Variants in ARHGAP45 observed in about 807,000 individuals in gnomAD.
ARHGAP45 encodes the protein rho GTPase-activating protein 45.
In ARHGAP45, 56 loss-of-function variants were observed where a neutral mutation model predicts 116.1. The ratio of observed to expected loss-of-function variants is 0.48; its 90% CI spans 0.39 to 0.60. The LOEUF (loss-of-function observed/expected upper bound fraction) is 0.60. Among genes scored for constraint, ARHGAP45 ranks in the 20% least tolerant of loss-of-function variants. The probability of loss-of-function intolerance (pLI) is 0.00; values close to 1 mark genes in which losing one functional copy is unlikely to be tolerated. For synonymous variants in ARHGAP45, 866 were observed against 701.7 expected (o/e 1.23, Z -3.70); for missense variants, 1,622 against 1,601.0 (o/e 1.01, Z -0.22).
At chr19:1,066,440 G>A (rs947324946), upstream of ARHGAP45, 7 of 504,050 alleles carry the variant, frequency 1.4e-5, no homozygotes, top group South Asian at 2.2e-5. Flanking sequence ...CTTGGGAGGC[G>A]GGGCTGGGGA....
rs1387090870 is a variant in ARHGAP45, at chr19:1,068,206, GTTGT to G, written c.91-203_91-200del. 3.6e-6 allele frequency: 2 copies of G among 554,638 alleles called. No homozygotes were observed. Among genetic ancestry groups the G allele is most frequent in the Non-Finnish European group, 6.2e-6 (2 of 322,958 alleles). The allele number at this position is 554,638 out of a possible 1,614,324, so 34.4% of individuals were successfully genotyped here. A position where few individuals can be genotyped will look rare whatever the true frequency, so the allele number is the denominator to read the frequency against. ...CCCGGCTGTGGTTTGGGCAAGGACC[GTTGT>G]TTGTGAAAGCTCTAGGGAAGAGGAT... On this transcript the variant is annotated intron_variant, in intron 1 of 22. Coordinates refer to ENST00000313093, the MANE Select transcript of ARHGAP45 (RefSeq NM_012292.5). This position sits in a 1 kb window ranked among gnomAD's most constrained non-coding sequence, Gnocchi z 7.5.
rs1224699093 is a variant in ARHGAP45, at chr19:1,080,503, C to G, written c.1868C>G (p.Ser623Trp). ...CAGGTTCACAAGTCATGGCCGCTCT[C>G]GATCTCAGACTCGGACAGTGGGCTG... ...GHQVHKSWPL[S>W]ISDSDSGLDP... The change falls in exon 15 of 23, where the codon TCG becomes TGG. Residue 623 changes from serine (S) to tryptophan (W), a missense_variant. Transcript: ENST00000313093. The G allele has an allele frequency of 6.2e-7, 1 of 1,612,966 alleles. No homozygotes were observed. The highest frequency in any genetic ancestry group is 8.5e-7 in the Non-Finnish European group (1 of 1,179,980).
At position 1,069,850 on chromosome 19, in the gene ARHGAP45, T is replaced by C. The variant is rs187340379; in HGVS notation, c.421+1106T>C. Among the ~76,000 whole-genome samples, 873 of 148,496 alleles carry C rather than the reference T, an allele frequency of 5.9e-3. 6 individuals carry two copies. Among genetic ancestry groups the C allele is most frequent in the Middle Eastern group, 0.011 (3 of 284 alleles). On this transcript the variant is annotated intron_variant, in intron 2 of 22. Transcript: ENST00000313093. This position sits in a 1 kb window ranked among gnomAD's most constrained non-coding sequence, Gnocchi z 4.1. ...TTTTTTTTTTGATACAGGGTCTTGC[T>C]CTGTTGCCCAGGCTGGAGTCCAGTG... is the stretch of plus-strand genomic sequence containing the variant.
chr19:1,080,850 C>G, intron 16 of ARHGAP45, 42 bp from the exon 17 acceptor site: 1 of 1,606,916 alleles, frequency 6.2e-7, no homozygotes, highest in Non-Finnish European at 8.5e-7. Flanking sequence ...GGGCCTGGCC[C>G]TGAGCTGCCT....
chr19:1,086,016 G>A lies in ARHGAP45; in HGVS notation c.*10G>A, dbSNP rs3761027. On this transcript the variant is annotated 3_prime_UTR_variant, in exon 23 of 23. Coordinates refer to ENST00000313093, the MANE Select transcript of ARHGAP45 (RefSeq NM_012292.5). Reference sequence around the variant, plus strand: ...GCCGGAATTCGTGTGAGCTGGGGTGGGGCTGGGACCACAGGTGGCTTCTCT... The same window carrying A: ...GCCGGAATTCGTGTGAGCTGGGGTGAGGCTGGGACCACAGGTGGCTTCTCT... 8.0e-4 allele frequency: 1,283 copies of A among 1,605,610 alleles called. 4 individuals carry two copies. In the East Asian group the frequency reaches 9.7e-3, roughly 12 times the overall value.
At chr19:1,085,456 T>C (rs72975514) in intron 22 of ARHGAP45, among the ~76,000 whole-genome samples, 33,799 of 149,648 alleles carry the variant, frequency 0.23, 3,934 homozygotes, top group East Asian at 0.32. Flanking sequence ...CTTGTCTCTC[T>C]CTCCTCCTCC....
chr19:1,082,815 C>T (rs753909326), intron 19 of ARHGAP45, 25 bp from the exon 20 acceptor site: 4 of 1,465,044 alleles, frequency 2.7e-6, no homozygotes, highest in Non-Finnish European at 3.6e-6. Context: ...CCCACCAACA[C>T]CTGCTGACCC....
rs769249815 is a variant in ARHGAP45, at chr19:1,069,064, G to A, written c.421+320G>A. ...AACAGAGAATGCATTTGGGGGCCAA[G>A]GTGTGGGGTGCCGCTGGTGTAGGAT... On this transcript the variant is annotated intron_variant, in intron 2 of 22. Transcript: ENST00000313093. The surrounding 1 kb of genome is among the most constrained non-coding windows in gnomAD (Gnocchi z 4.1). Among the ~76,000 whole-genome samples, 8 of 152,184 alleles carry A rather than the reference G, an allele frequency of 5.3e-5. No homozygotes were observed. The highest frequency in any genetic ancestry group is 1.3e-4 in the Admixed American group (2 of 15,278).
In ARHGAP45 at chr19:1,071,438, G is replaced by T; in HGVS notation, c.422-1711G>T. On this transcript the variant is annotated intron_variant, in intron 2 of 22. Coordinates refer to ENST00000313093, the MANE Select transcript of ARHGAP45 (RefSeq NM_012292.5). This position sits in a 1 kb window ranked among gnomAD's most constrained non-coding sequence, Gnocchi z 4.6. ...CTCGGGCCGTTTGCCGCCCGCGGTG[G>T]GGGAGCAGCGGCTGCCGCGCGCCTG... The T allele has an allele frequency of 9.6e-7, 1 of 1,040,034 alleles. No homozygotes were observed. The highest frequency in any genetic ancestry group is 4.5e-5 in the South Asian group (1 of 22,094). 64.4% of individuals were successfully genotyped at this position (1,040,034 alleles called of 1,614,324 possible). A position where few individuals can be genotyped will look rare whatever the true frequency, so the allele number is the denominator to read the frequency against.
rs1305862066 is a variant in ARHGAP45, at chr19:1,085,764, C to T, written c.3169C>T (p.Gln1057Ter). ...CCTGGGCCACCTCAGCTTCCTGGAGCAGCAGCAGAGCGAGGCCAGCCTAGA... is the reference window on the plus strand; with the variant it reads ...CCTGGGCCACCTCAGCTTCCTGGAGTAGCAGCAGAGCGAGGCCAGCCTAGA... The part of the protein sequence containing the change: ...SALGHLSFLE[Q>*]QQSEASLEVA... Residue 1057 changes from glutamine to a stop codon, truncating the protein, a stop_gained, in exon 23 of 23, where the codon CAG becomes TAG. Coordinates refer to ENST00000313093, the MANE Select transcript of ARHGAP45 (RefSeq NM_012292.5). LOFTEE classifies it low-confidence loss of function (END_TRUNC). 1.9e-6 allele frequency: 3 copies of T among 1,612,444 alleles called. No homozygotes were observed. The highest frequency in any genetic ancestry group is 2.5e-6 in the Non-Finnish European group (3 of 1,179,806).
chr19:1,068,481 C>A lies in ARHGAP45; in HGVS notation c.158C>A (p.Ser53Tyr). 1 of 1,586,742 alleles carries A rather than the reference C, an allele frequency of 6.3e-7. No homozygotes were observed. The highest frequency in any genetic ancestry group is 8.6e-7 in the Non-Finnish European group (1 of 1,167,400). The stretch of plus-strand genomic sequence containing the variant: ...CCAAGCCTGGAGCCGCCCGCTGGGT[C>A]CTCCGGCGTCAAGGCCACAGGGACC... ...PGPSLEPPAG[S>Y]SGVKATGTLK... Residue 53 changes from serine to tyrosine, a missense_variant, in exon 2 of 23, where the codon TCC becomes TAC. This residue lies in a region of ARHGAP45 where 279 missense variants were observed against 311.9 expected (regional missense o/e 0.89). Coordinates refer to ENST00000313093, the MANE Select transcript of ARHGAP45 (RefSeq NM_012292.5). This position sits in a 1 kb window ranked among gnomAD's most constrained non-coding sequence, Gnocchi z 7.5.
chr19:1,081,648 C>A lies in ARHGAP45; in HGVS notation c.2289C>A (p.Phe763Leu). Residue 763 changes from phenylalanine (F) to leucine (L), a missense_variant, in exon 18 of 23, where the codon TTC (phenylalanine) becomes TTA (leucine). Transcript: ENST00000313093. The stretch of plus-strand genomic sequence containing the variant: ...GCCTGCAGCTGTTCGGCCAGGACTT[C>A]AGCCACGCGGCCCGCAGCGCCCCCG... ...QGRLQLFGQD[F>L]SHAARSAPDG... 6.3e-7 allele frequency: 1 copy of A among 1,581,398 alleles called. No homozygotes were observed. The highest frequency in any genetic ancestry group is 8.6e-7 in the Non-Finnish European group (1 of 1,164,212).
chr19:1,074,001 A>T lies in ARHGAP45; in HGVS notation c.777A>T (p.Glu259Asp), dbSNP rs2074442. 0.76 allele frequency: 1,205,913 copies of T among 1,596,476 alleles called. 457,773 individuals are homozygous for T. Among genetic ancestry groups the T allele is most frequent in the African/African-American group, 0.91 (68,032 of 74,582 alleles). ...GTGAGGGCACGCCTCCCAGCCTGGA[A>T]GACTGTGACGCCGGTAAGCCCCCAC... is the stretch of plus-strand genomic sequence containing the variant. ...PGSEGTPPSL[E>D]DCDAGCLPAE... Residue 259 changes from glutamate to aspartate, a missense_variant, in exon 6 of 23, where the codon GAA becomes GAT. Physicochemically the swap from Glu to Asp is conservative, Grantham distance 45. Transcript: ENST00000313093.
At position 1,071,244 on chromosome 19, in the gene ARHGAP45, C is replaced by T; in HGVS notation, c.422-1905C>T. 1 of 1,475,720 alleles carries T rather than the reference C, an allele frequency of 6.8e-7. No homozygotes were observed. The highest frequency in any genetic ancestry group is 9.0e-7 in the Non-Finnish European group (1 of 1,117,298). The allele number at this position is 1,475,720 out of a possible 1,614,324, so 91.4% of individuals were successfully genotyped here. ...ACCGGAGACCCCCATCGGTCAGCTG[C>T]CAGGCCCCACGCGCTCGCGGTCTCC... On this transcript the variant is annotated intron_variant, in intron 2 of 22. Coordinates refer to ENST00000313093, the MANE Select transcript of ARHGAP45 (RefSeq NM_012292.5). The surrounding 1 kb of genome is among the most constrained non-coding windows in gnomAD (Gnocchi z 4.6).
chr19:1,084,170 GGTTT>G, intron 21 of ARHGAP45, 64 bp from the exon 22 acceptor site: 1 of 1,422,014 alleles, frequency 7.0e-7, no homozygotes, highest in Non-Finnish European at 9.9e-7. Flanking sequence ...TGTGTGGGTG[GGTTT>G]GTTAATTTAT....
At chr19:1,066,097 C>G (rs1190956025), upstream of ARHGAP45, 3 of 1,535,698 alleles carry the variant, frequency 2.0e-6, no homozygotes, top group Non-Finnish European at 2.6e-6. Context: ...CCTGGAGAGC[C>G]AGACTTGGAG....
rs757352298 is a variant in ARHGAP45, at chr19:1,086,042, C to T, written c.*36C>T. 6.4e-7 allele frequency: 1 copy of T among 1,553,536 alleles called. No individual in the cohort carries two copies. Among genetic ancestry groups the T allele is most frequent in the Non-Finnish European group, 8.8e-7 (1 of 1,133,238 alleles). On this transcript the variant is annotated 3_prime_UTR_variant, in exon 23 of 23. Transcript: ENST00000313093. ...GGCTGGGACCACAGGTGGCTTCTCTCTTGCCTGCTCCTGTCCCTCCAGCAC... is the reference window on the plus strand; with the variant it reads ...GGCTGGGACCACAGGTGGCTTCTCTTTTGCCTGCTCCTGTCCCTCCAGCAC...
upstream of ARHGAP45, chr19:1,067,114 G>A (rs997760454): frequency 3.0e-5 from 32 of 1,077,592 alleles, no homozygotes; most frequent in Non-Finnish European, 3.4e-5. Context: ...AGGCGGAAGC[G>A]GGGGGCGCGG....
rs1375587881 is a variant in ARHGAP45 at position 1,077,364 on chromosome 19, T to TC, written c.1186-491dup. On this transcript the variant is annotated intron_variant, in intron 10 of 22. Coordinates refer to ENST00000313093, the MANE Select transcript of ARHGAP45 (RefSeq NM_012292.5). Reference sequence around the variant, plus strand: ...CTCCGAGTGTCCTGTTACGGGTGCCTCCTCCCGTTCTTTTTTTTTTTTTTT... The same window carrying TC: ...CTCCGAGTGTCCTGTTACGGGTGCCTCCCTCCCGTTCTTTTTTTTTTTTTTT... 9 of 983,588 alleles carry TC rather than the reference T, an allele frequency of 9.2e-6. No homozygotes were observed. In the African/African-American group the frequency reaches 1.6e-4, roughly 18 times the overall value. The allele number at this position is 983,588 out of a possible 1,614,324, so 60.9% of individuals were successfully genotyped here. A position where few individuals can be genotyped will look rare whatever the true frequency, so the allele number is the denominator to read the frequency against.
Sources: gnomAD v4.1 joint callset for allele counts (sites outside exome capture counted in the v4.1 genomes callset) on GRCh38, gnomAD v4.1.1 for gene constraint, gnomAD v4.1.1 regional missense constraint, Gnocchi (gnomAD v3.1) non-coding constraint, MANE v1.5 for transcripts, NCBI Gene and HGNC (gene_info 2026-07-23, HGNC 2026-07-21) for gene names.